RAPH1: variants seen among roughly 807,000 people sequenced by gnomAD.
RAPH1 encodes the protein ras-associated and pleckstrin homology domains-containing protein 1.
RAPH1 carries 18 observed loss-of-function variants against 88.1 expected under a neutral mutation model. That is an observed-to-expected ratio of 0.20 (90% CI 0.14 to 0.30). The LOEUF is 0.30. RAPH1 is among the 10% of genes least tolerant of loss of function. The probability of loss-of-function intolerance (pLI) is 1.00; values close to 1 mark genes in which losing one functional copy is unlikely to be tolerated. For synonymous variants in RAPH1, 587 were observed against 559.0 expected, an observed-to-expected ratio of 1.05 and a Z score of -0.71; for missense variants, 1,448 against 1,543.2, an observed-to-expected ratio of 0.94 and a Z score of 1.03.
intron 4 of RAPH1, among the ~76,000 whole-genome samples, chr2:203,478,417 G>C (rs867896343): frequency 1.3e-5 from 2 of 151,912 alleles, no homozygotes; most frequent in Non-Finnish European, 2.9e-5. Flanking sequence ...TCACTTGTTT[G>C]GTTGTCTATA....
At chr2:203,512,535 G>A (rs1214687462) in intron 1 of RAPH1, among the ~76,000 whole-genome samples, 1 of 151,742 alleles carries the variant, frequency 6.6e-6, no homozygotes, top group African/African-American at 2.4e-5. Context: ...ATTGCCTTGG[G>A]TGACAAGAAT....
Position 203,436,203 on chromosome 2 carries a change from C to G in RAPH1, c.*3234G>C, listed in dbSNP as rs1449017731. 2.0e-5 allele frequency: 3 copies of G among 152,052 alleles called. No individual in the cohort carries two copies. Among genetic ancestry groups the G allele is most frequent in the Non-Finnish European group, 4.4e-5 (3 of 68,022 alleles). 9.4% of individuals were successfully genotyped at this position (152,052 alleles called of 1,614,324 possible). On this transcript the variant is annotated 3_prime_UTR_variant, in exon 14 of 14. Transcript: ENST00000319170. ...GATATGCCTTTGGTGGGTGGGAGCA[C>G]CTAGATTTTAGAGGACTATAAAACG...
chr2:203,528,517 C>T (rs1345049631), intron 1 of RAPH1, among the ~76,000 whole-genome samples: 2 of 152,076 alleles, frequency 1.3e-5, no homozygotes, highest in Non-Finnish European at 2.9e-5. Context: ...AAAGTACAGC[C>T]GAAGAGGCAC....
chr2:203,440,772 A>G lies in RAPH1; in HGVS notation c.2418T>C (p.Pro806=). ...TTTTTGCTGGGGGCACTGGAGGAGT[A>G]GGTGTGGGTGGTGCAGCTTGAGTCA... ...PVVTQAAPPT[P]TPPVPPAKKQ... The change falls in exon 14 of 14, where the codon CCT becomes CCC. Residue 806 remains proline, a synonymous_variant. Transcript: ENST00000319170. 6.3e-7 allele frequency: 1 copy of G among 1,575,136 alleles called. No individual in the cohort carries two copies. The highest frequency in any genetic ancestry group is 8.6e-7 in the Non-Finnish European group (1 of 1,159,266).
chr2:203,488,148 C>G (rs147942646), intron 4 of RAPH1, among the ~76,000 whole-genome samples: 1 of 152,166 alleles, frequency 6.6e-6, no homozygotes, highest in African/African-American at 2.4e-5. Flanking sequence ...ATAAAGAATT[C>G]TCTTTCACCA....
At chr2:203,499,525 T>C (rs143672578) in intron 1 of RAPH1, among the ~76,000 whole-genome samples, 3,169 of 152,048 alleles carry the variant, frequency 0.021, 133 homozygotes, top group African/African-American at 0.073. Flanking sequence ...AGTTCAAGAC[T>C]AGCATGGCCA....
chr2:203,520,979 A>G (rs1158239025), intron 1 of RAPH1, among the ~76,000 whole-genome samples: 3 of 152,228 alleles, frequency 2.0e-5, no homozygotes, highest in African/African-American at 7.2e-5. Flanking sequence ...TCATTCTGAT[A>G]AAAAGAATGA....
At chr2:203,503,824 C>T (rs1185808701) in intron 1 of RAPH1, among the ~76,000 whole-genome samples, 2 of 152,152 alleles carry the variant, frequency 1.3e-5, no homozygotes, top group African/African-American at 4.8e-5. Context: ...GTAAATACAG[C>T]CGTTCCAAAT....
intron 10 of RAPH1, among the ~76,000 whole-genome samples, chr2:203,450,197 C>T (rs951802098): frequency 6.6e-6 from 1 of 151,924 alleles, no homozygotes; most frequent in Non-Finnish European, 1.5e-5. Flanking sequence ...AGTTATGTAT[C>T]TGCATTGTTA....
intron 1 of RAPH1, among the ~76,000 whole-genome samples, chr2:203,499,714 G>GA (rs540502295): frequency 3.7e-4 from 54 of 147,428 alleles, no homozygotes; most frequent in Non-Finnish European, 4.5e-4. Flanking sequence ...CCATCTCAAA[G>GA]AAAAAAAAAA....
At chr2:203,466,751 C>T (rs2098528793) in intron 4 of RAPH1, among the ~76,000 whole-genome samples, 1 of 152,184 alleles carries the variant, frequency 6.6e-6, no homozygotes, top group Non-Finnish European at 1.5e-5. Flanking sequence ...CTATTTTCTA[C>T]TGAAAAACTC....
At chr2:203,506,740 ATC>A (rs199979319) in intron 1 of RAPH1, among the ~76,000 whole-genome samples, 5 of 124,818 alleles carry the variant, frequency 4.0e-5, no homozygotes, top group African/African-American at 2.0e-4. Context: ...ATAGATATAT[ATC>A]TATATATATA....
Position 203,439,801 on chromosome 2 carries a change from C to A in RAPH1, c.3389G>T (p.Ser1130Ile). The change falls in exon 14 of 14, where the codon AGC becomes ATC. Residue 1130 changes from serine (S) to isoleucine (I), a missense_variant. Ser to Ile is a moderately radical substitution (Grantham distance 142). This residue lies in a region of RAPH1 where 935 missense variants were observed against 890.1 expected (regional missense o/e 1.05). Transcript: ENST00000319170. ...PPPTRPKRND[S>I]TRLTQAEISE... is the part of the protein sequence containing the mutation. ...AATCTCAGCTTGAGTGAGGCGGGTG[C>A]TATCATTCCGTTTGGGTCGTGTGGG... The A allele has an allele frequency of 6.2e-7, 1 of 1,614,048 alleles. No homozygotes were observed. The highest frequency in any genetic ancestry group is 8.5e-7 in the Non-Finnish European group (1 of 1,180,002).
chr2:203,506,796 A>ATATATATCTATATCTATATATATC (rs1689050330), intron 1 of RAPH1, among the ~76,000 whole-genome samples: 1 of 118,546 alleles, frequency 8.4e-6, no homozygotes, highest in Non-Finnish European at 1.7e-5. Flanking sequence ...ATATATATCT[A>ATATATATCTATATCTATATATATC]TATATATATC....
At position 203,444,941 on chromosome 2, in the gene RAPH1, C is replaced by T. The variant is rs761811042; in HGVS notation, c.1703G>A (p.Arg568His). ...VSDTQPAGHV[R>H]SQSIVSSVFS... is the part of the protein sequence containing the mutation. ...TACGGAGCTCACAATGCTCTGGGAA[C>T]GGACGTGTCCTGCTGGCTGGGTGTC... Residue 568 changes from arginine (R) to histidine (H), a missense_variant, in exon 13 of 14, where the codon CGT (arginine) becomes CAT (histidine). By Grantham distance (29) the Arg-to-His change is conservative. This residue lies in a region of RAPH1 where 935 missense variants were observed against 890.1 expected (regional missense o/e 1.05). Transcript: ENST00000319170. 23 of 1,614,034 alleles carry T rather than the reference C, an allele frequency of 1.4e-5. No homozygotes were observed. In the Admixed American group the frequency reaches 2.0e-4, roughly 14 times the overall value.
intron 1 of RAPH1, among the ~76,000 whole-genome samples, chr2:203,516,598 A>G (rs949423373): frequency 6.6e-6 from 1 of 152,066 alleles, no homozygotes; most frequent in African/African-American, 2.4e-5. Context: ...AAAATACAAA[A>G]ATTAGCCAGG....
At chr2:203,518,822 G>GC (rs1689736153) in intron 1 of RAPH1, among the ~76,000 whole-genome samples, 1 of 152,102 alleles carries the variant, frequency 6.6e-6, no homozygotes, top group Non-Finnish European at 1.5e-5. Context: ...TCTAGCATGG[G>GC]CAACAGAACA....
intron 1 of RAPH1, among the ~76,000 whole-genome samples, chr2:203,510,335 CAAAAAAA>C (rs33911103): frequency 1.6e-4 from 6 of 38,096 alleles, no homozygotes; most frequent in East Asian, 1.0e-3. Flanking sequence ...AACTCCATCT[CAAAAAAA>C]AAAAAAAAAA....
intron 13 of RAPH1, chr2:203,442,795 T>A (rs935565085): frequency 2.6e-5 from 4 of 152,188 alleles, no homozygotes; most frequent in Admixed American, 6.5e-5. Context: ...TCACAGAACA[T>A]TTTGGGTCTG....
Sources: allele counts gnomAD v4.1 joint callset (sites outside exome capture counted in the v4.1 genomes callset), GRCh38; gene constraint gnomAD v4.1.1; regional missense constraint gnomAD v4.1.1; transcripts MANE v1.5; gene names NCBI Gene and HGNC (gene_info 2026-07-23, HGNC 2026-07-21).